Variants in CHKA observed in about 807,000 individuals in gnomAD.
CHKA encodes the protein CHETK-alpha.
Under a neutral mutation model 60.1 loss-of-function variants are expected in CHKA, and 34 were observed. The observed-to-expected ratio is 0.57, with a 90% CI of 0.43 to 0.75. The LOEUF (loss-of-function observed/expected upper bound fraction) is 0.75. Ranked by LOEUF, CHKA falls within the 30% of genes least tolerant of loss-of-function variation. The pLI is 0.00. For missense variants in CHKA, 563 were observed against 561.3 expected (o/e 1.00, Z -0.03); for synonymous variants, 217 against 223.1 (o/e 0.97, Z 0.24).
At chr11:68,082,645 A>G (rs890204140) in intron 2 of CHKA, 3 of 152,586 alleles carry the variant, frequency 2.0e-5, no homozygotes, top group Non-Finnish European at 4.4e-5. Flanking sequence ...CACTGAAATA[A>G]CATTACAGAC....
chr11:68,060,791 G>C (rs1856207986), intron 11 of CHKA, among the ~76,000 whole-genome samples: 1 of 152,096 alleles, frequency 6.6e-6, no homozygotes, highest in Admixed American at 6.5e-5. Context: ...AGTGTGCTTT[G>C]TCGTACAGTA....
chr11:68,098,740 C>A (rs1483795489), intron 1 of CHKA, among the ~76,000 whole-genome samples: 1 of 152,040 alleles, frequency 6.6e-6, no homozygotes, highest in Non-Finnish European at 1.5e-5. Context: ...GTCATCCAGG[C>A]TAGAGTACAG....
chr11:68,096,926 A>G (rs1331710606), intron 2 of CHKA, 93 bp downstream of exon 2: 14 of 799,486 alleles, frequency 1.8e-5, no homozygotes, highest in Admixed American at 2.7e-5. Flanking sequence ...TAACACCATT[A>G]AAGTATTTAA....
Position 68,053,785 on chromosome 11 carries a change from C to A in CHKA, c.*203G>T. ...ATATTTCTGCTTCCCGATCTCGTTT[C>A]TGAGTCCTAGTGAAATCGTAAACAA... On this transcript the variant is annotated 3_prime_UTR_variant, in exon 12 of 12. Coordinates refer to ENST00000265689, the MANE Select transcript of CHKA (RefSeq NM_001277.3). 1 of 510,574 alleles carries A rather than the reference C, an allele frequency of 2.0e-6. No individual in the cohort carries two copies. Among genetic ancestry groups the A allele is most frequent in the Admixed American group, 3.6e-5 (1 of 27,972 alleles). 31.6% of individuals were successfully genotyped at this position (510,574 alleles called of 1,614,324 possible).
At chr11:68,062,940 A>C (rs906090146) in intron 10 of CHKA, among the ~76,000 whole-genome samples, 1 of 152,100 alleles carries the variant, frequency 6.6e-6, no homozygotes, top group African/African-American at 2.4e-5. Flanking sequence ...GGCCACAGTG[A>C]CTTAAACAGC....
chr11:68,063,744 C>A (rs1305207094), intron 10 of CHKA, among the ~76,000 whole-genome samples: 1 of 152,158 alleles, frequency 6.6e-6, no homozygotes, highest in Non-Finnish European at 1.5e-5. Context: ...GCTGTCCTCA[C>A]AATAGTGAGG....
chr11:68,117,668 C>T (rs1009964364), intron 1 of CHKA, among the ~76,000 whole-genome samples: 24 of 152,170 alleles, frequency 1.6e-4, no homozygotes, highest in Middle Eastern at 3.2e-3. Context: ...CAGAGCAAGA[C>T]TCCATCTCAA....
intron 1 of CHKA, among the ~76,000 whole-genome samples, chr11:68,120,079 T>G (rs533067699): frequency 1.3e-5 from 2 of 151,912 alleles, no homozygotes; most frequent in Admixed American, 1.3e-4. Flanking sequence ...AAATACAAAA[T>G]TAGCCGGGCG....
rs774306965 is a variant in CHKA at position 68,084,336 on chromosome 11, GTA to G, written c.463-2881_463-2880del. Among the ~76,000 whole-genome samples, 209 of 127,316 alleles carry G rather than the reference GTA, an allele frequency of 1.6e-3. 2 individuals are homozygous for G. The highest frequency in any genetic ancestry group is 5.0e-3 in the African/African-American group (170 of 34,126). The allele number at this position is 127,316 out of a possible 152,430, so 83.5% of individuals were successfully genotyped here. ...CATGTGTATATATATACACATATAC[GTA>G]TATATATGTGTATATATATATACAC... On this transcript the variant is annotated intron_variant, in intron 2 of 11. Transcript: ENST00000265689.
chr11:68,073,968 A>G (rs1204871020), intron 4 of CHKA, among the ~76,000 whole-genome samples: 1 of 152,190 alleles, frequency 6.6e-6, no homozygotes. Context: ...TTGCCAATCA[A>G]AGAAGTATTG....
intron 1 of CHKA, among the ~76,000 whole-genome samples, chr11:68,109,669 T>C (rs1308521850): frequency 6.6e-6 from 1 of 152,078 alleles, no homozygotes; most frequent in Non-Finnish European, 1.5e-5. Flanking sequence ...AAATCAACAA[T>C]AGGCTGGATG....
chr11:68,069,932 C>T (rs182815917), intron 6 of CHKA, among the ~76,000 whole-genome samples: 338 of 152,296 alleles, frequency 2.2e-3, no homozygotes, highest in Middle Eastern at 6.8e-3. Flanking sequence ...GGCCACCAAG[C>T]CACTCCTTTG....
chr11:68,117,627 C>A (rs1049616026), intron 1 of CHKA, among the ~76,000 whole-genome samples: 2 of 151,994 alleles, frequency 1.3e-5, no homozygotes, highest in Admixed American at 1.3e-4. Context: ...GCAGAAGTTG[C>A]AGCTAGCCGA....
chr11:68,078,290 C>T (rs1266309958), intron 3 of CHKA, among the ~76,000 whole-genome samples: 2 of 152,210 alleles, frequency 1.3e-5, no homozygotes, highest in African/African-American at 4.8e-5. Context: ...GGTTCACAAG[C>T]CACAACTTGA....
At chr11:68,065,259 G>A (rs970751599) in intron 9 of CHKA, among the ~76,000 whole-genome samples, 6 of 152,184 alleles carry the variant, frequency 3.9e-5, no homozygotes, top group African/African-American at 1.4e-4. Flanking sequence ...AACTACAAAG[G>A]ATGACAAAGC....
intron 11 of CHKA, among the ~76,000 whole-genome samples, chr11:68,058,547 T>C (rs1482396619): frequency 1.3e-5 from 2 of 152,218 alleles, no homozygotes; most frequent in East Asian, 1.9e-4. Flanking sequence ...CATTTTTCCA[T>C]GTACAGTTGT....
chr11:68,118,955 G>A (rs1489735144), intron 1 of CHKA, among the ~76,000 whole-genome samples: 3 of 152,212 alleles, frequency 2.0e-5, no homozygotes, highest in East Asian at 1.9e-4. Context: ...TGCAGGAGAA[G>A]GGGACACCAG....
intron 2 of CHKA, among the ~76,000 whole-genome samples, chr11:68,083,147 C>T (rs959170588): frequency 6.6e-6 from 1 of 152,174 alleles, no homozygotes; most frequent in Non-Finnish European, 1.5e-5. Flanking sequence ...CCAAGCAAAT[C>T]TCGATGCCCA....
chr11:68,070,421 G>T, intron 5 of CHKA, 128 bp from the exon 6 acceptor site: 1 of 734,876 alleles, frequency 1.4e-6, no homozygotes. Flanking sequence ...GGACCCCTCT[G>T]ACTGCCATGA....
Sources: allele counts gnomAD v4.1 joint callset (sites outside exome capture counted in the v4.1 genomes callset), GRCh38; gene constraint gnomAD v4.1.1; transcripts MANE v1.5; gene names NCBI Gene and HGNC (gene_info 2026-07-23, HGNC 2026-07-21).